PRKDC: variants seen among roughly 807,000 people sequenced by gnomAD.
The protein encoded by PRKDC is DNA-dependent protein kinase catalytic subunit.
In PRKDC, 82 loss-of-function variants were observed where a neutral mutation model predicts 486.9. The ratio of observed to expected loss-of-function variants is 0.17; its 90% CI spans 0.14 to 0.20. The LOEUF is 0.20. Among genes scored for constraint, PRKDC ranks in the 10% least tolerant of loss-of-function variants. PRKDC has a pLI of 1.00. For missense variants in PRKDC, 4,504 were observed against 5,038.2 expected (o/e 0.89, Z 3.21); for synonymous variants, 1,895 against 1,837.0 (o/e 1.03, Z -0.81).
intron 54 of PRKDC, 119 bp from the exon 55 acceptor site, chr8:47,840,308 C>T (rs545545254): frequency 2.1e-5 from 15 of 719,314 alleles, no homozygotes; most frequent in Middle Eastern, 7.8e-4. Context: ...TAACGCTACA[C>T]TTATATAAAA....
chr8:47,894,843 G>A (rs1479337046), intron 30 of PRKDC, among the ~76,000 whole-genome samples: 3 of 152,308 alleles, frequency 2.0e-5, no homozygotes, highest in Middle Eastern at 3.4e-3. Flanking sequence ...GCCAAGGCAG[G>A]AGGACTGCTT....
intron 25 of PRKDC, among the ~76,000 whole-genome samples, chr8:47,910,179 T>C (rs555831863): frequency 6.6e-6 from 1 of 152,260 alleles, no homozygotes; most frequent in Admixed American, 6.5e-5. Context: ...GTTGAAATAC[T>C]GGGGGCTGGT....
rs774136598 is a variant in PRKDC at position 47,803,356 on chromosome 8, T to C, written c.9872A>G (p.Gln3291Arg). 6.8e-6 allele frequency: 11 copies of C among 1,613,944 alleles called. No individual in the cohort carries two copies. In the South Asian group the frequency reaches 9.9e-5, roughly 14 times the overall value. Residue 3291 changes from glutamine to arginine, a missense_variant, in exon 70 of 86, where the codon CAG (glutamine) becomes CGG (arginine). By Grantham distance (43) the Gln-to-Arg change is conservative. Transcript: ENST00000314191. ...AGTGAGCACCTGCTCAGAGCAGCCC[T>C]GGGACCGGCTCCGGCAGTGGCTCAG... ...CRLSHCRSRS[Q>R]GCSEQVLTVL... is the part of the protein sequence containing the mutation.
Position 47,834,384 on chromosome 8 carries a change from G to A in PRKDC, c.7964C>T (p.Ser2655Leu). The stretch of plus-strand genomic sequence containing the variant: ...GCTGCTCCCGGTCAGCCAATCAAAT[G>A]AGCTTCTTCCATCTGTGACATGCAA... ...TLTQTADGRS[S>L]FDWLTGSSTD... is the part of the protein sequence containing the mutation. Residue 2655 changes from serine to leucine, a missense_variant, in exon 59 of 86, where the codon TCA becomes TTA. By Grantham distance (145) the Ser-to-Leu change is moderately radical. Coordinates refer to ENST00000314191, the MANE Select transcript of PRKDC (RefSeq NM_006904.7). 6.2e-7 allele frequency: 1 copy of A among 1,613,396 alleles called. No individual in the cohort carries two copies. Among genetic ancestry groups the A allele is most frequent in the Non-Finnish European group, 8.5e-7 (1 of 1,179,824 alleles).
At chr8:47,948,667 G>A (rs182039074) in intron 7 of PRKDC, among the ~76,000 whole-genome samples, 7 of 149,714 alleles carry the variant, frequency 4.7e-5, no homozygotes, top group African/African-American at 1.7e-4. Context: ...TCTCCATGTT[G>A]GTCAGGCTGG....
intron 65 of PRKDC, 117 bp from the exon 66 acceptor site, chr8:47,821,060 C>A (rs1300813659): frequency 1.6e-6 from 1 of 625,646 alleles, no homozygotes; most frequent in Non-Finnish European, 2.4e-6. Flanking sequence ...AAAGTCAAAG[C>A]GATGATGTTT....
At chr8:47,842,620 A>AG (rs1365363143) in intron 54 of PRKDC, among the ~76,000 whole-genome samples, 4 of 152,258 alleles carry the variant, frequency 2.6e-5, no homozygotes, top group Non-Finnish European at 5.9e-5. Flanking sequence ...AAAAAGATAA[A>AG]GGAACACCAG....
intron 57 of PRKDC, 65 bp from the exon 58 acceptor site, chr8:47,836,592 C>G: frequency 7.4e-7 from 1 of 1,345,866 alleles, no homozygotes; most frequent in Non-Finnish European, 1.0e-6. Context: ...TTTTTAGGAA[C>G]ACTGATATAT....
chr8:47,875,391 G>A (rs2089070413), intron 40 of PRKDC, among the ~76,000 whole-genome samples: 1 of 152,022 alleles, frequency 6.6e-6, no homozygotes. Flanking sequence ...CTTTAGCTTT[G>A]ATTGTGAAAA....
intron 40 of PRKDC, among the ~76,000 whole-genome samples, chr8:47,870,539 G>A (rs953573293): frequency 6.6e-6 from 1 of 152,152 alleles, no homozygotes; most frequent in Non-Finnish European, 1.5e-5. Flanking sequence ...AAGCAGACAT[G>A]GCTTCAGTGA....
At chr8:47,936,253 C>A (rs1589804480) in intron 12 of PRKDC, 100 bp downstream of exon 12, 1 of 1,312,814 alleles carries the variant, frequency 7.6e-7, no homozygotes, top group East Asian at 2.4e-5. Context: ...TCATGTTGTT[C>A]CCAACAGTGC....
At chr8:47,953,570 T>C (rs2154504564) in intron 7 of PRKDC, 50 bp downstream of exon 7, 1 of 1,486,044 alleles carries the variant, frequency 6.7e-7, no homozygotes, top group Non-Finnish European at 9.3e-7. Flanking sequence ...GCATTGCTGG[T>C]TAGACTTACA....
intron 68 of PRKDC, among the ~76,000 whole-genome samples, chr8:47,811,432 G>A (rs755416450): frequency 6.6e-6 from 1 of 152,128 alleles, no homozygotes; most frequent in Non-Finnish European, 1.5e-5. Flanking sequence ...TTAGGCTAAA[G>A]GAAAATGACA....
intron 70 of PRKDC, 72 bp from the exon 71 acceptor site, chr8:47,801,058 T>C: frequency 7.1e-7 from 1 of 1,407,414 alleles, no homozygotes; most frequent in Non-Finnish European, 9.8e-7. Context: ...AGAAATTCAT[T>C]GTCTATAGAA....
In PRKDC at chr8:47,773,262, G is replaced by T. The variant is rs904946493; in HGVS notation, c.*911C>A. The T allele has an allele frequency of 1.8e-5, 4 of 227,954 alleles. No individual in the cohort carries two copies. The highest frequency in any genetic ancestry group is 5.7e-5 in the Admixed American group (1 of 17,514). The allele number at this position is 227,954 out of a possible 1,614,324, so 14.1% of individuals were successfully genotyped here. A position where few individuals can be genotyped will look rare whatever the true frequency, so the allele number is the denominator to read the frequency against. ...TGGGTGTGGAGGACTGGCGGGGGGG[G>T]ACAGGGACTGCACATGGGAAGGAGC... On this transcript the variant is annotated 3_prime_UTR_variant, in exon 86 of 86. Transcript: ENST00000314191.
chr8:47,910,329 C>A (rs1161605074), intron 25 of PRKDC, among the ~76,000 whole-genome samples: 1 of 152,138 alleles, frequency 6.6e-6, no homozygotes, highest in Admixed American at 6.5e-5. Flanking sequence ...GAGTAGCCTC[C>A]CCTTTAATAG....
At chr8:47,829,102 C>A (rs1343880648) in intron 61 of PRKDC, among the ~76,000 whole-genome samples, 1 of 152,196 alleles carries the variant, frequency 6.6e-6, no homozygotes, top group African/African-American at 2.4e-5. Context: ...TTTGTGTAAT[C>A]TTCTAGGGAT....
intron 68 of PRKDC, among the ~76,000 whole-genome samples, chr8:47,807,634 G>A (rs1400939201): frequency 6.6e-6 from 1 of 151,486 alleles, no homozygotes; most frequent in African/African-American, 2.4e-5. Flanking sequence ...TAGCCAGGAT[G>A]GTCTCGATCT....
At chr8:47,918,190 T>C in intron 22 of PRKDC, 87 bp downstream of exon 22, 1 of 907,146 alleles carries the variant, frequency 1.1e-6, no homozygotes, top group Non-Finnish European at 1.6e-6. Context: ...ACAACTAACA[T>C]TTTAAATGAA....
Sources: allele counts gnomAD v4.1 joint callset (sites outside exome capture counted in the v4.1 genomes callset), GRCh38; gene constraint gnomAD v4.1.1; transcripts MANE v1.5; gene names NCBI Gene and HGNC (gene_info 2026-07-23, HGNC 2026-07-21).